Variants in NDUFS1 observed in about 807,000 individuals in gnomAD.
NDUFS1 encodes NADH:ubiquinone oxidoreductase core subunit S1, also known as NADH-ubiquinone oxidoreductase 75 kDa subunit, mitochondrial.
In NDUFS1, 61 loss-of-function variants were observed where a neutral mutation model predicts 84.4. The observed-to-expected ratio is 0.72, with a 90% confidence interval of 0.59 to 0.89. NDUFS1 has a LOEUF of 0.89. NDUFS1 is among the 40% of genes least tolerant of loss of function. The pLI is 0.00. For synonymous variants in NDUFS1, 275 were observed against 290.0 expected (o/e 0.95, Z 0.53); for missense variants, 891 against 890.0 (o/e 1.00, Z -0.01).
intron 13 of NDUFS1, 56 bp from the exon 14 acceptor site, chr2:206,133,161 C>A: frequency 7.0e-7 from 1 of 1,427,168 alleles, no homozygotes; most frequent in Non-Finnish European, 9.6e-7. Flanking sequence ...AGCTGAACAC[C>A]AAACCATATT....
At chr2:206,150,023 T>TA in intron 3 of NDUFS1, 98 bp from the exon 4 acceptor site, 1 of 691,184 alleles carries the variant, frequency 1.4e-6, no homozygotes, top group Non-Finnish European at 2.5e-6. Context: ...ATCTTATTAC[T>TA]TCTATCTATC....
intron 1 of NDUFS1, 145 bp from the exon 2 acceptor site, chr2:206,153,827 T>C (rs1424813422): frequency 1.3e-5 from 8 of 625,258 alleles, no homozygotes; most frequent in Non-Finnish European, 2.3e-5. Context: ...AGTCTGTAGA[T>C]GAGAATTCTC....
In NDUFS1 at chr2:206,122,781, G is replaced by A. The variant is rs188775006; in HGVS notation, c.*1404C>T. On this transcript the variant is annotated 3_prime_UTR_variant, in exon 19 of 19. Transcript: ENST00000233190. The stretch of plus-strand genomic sequence containing the variant: ...AACAAAGTCTTGCTCTGTTGCCCAG[G>A]CTGGAATGCAGTGGCGCAATCACGG... The A allele has an allele frequency of 7.8e-3, 1,188 of 152,270 alleles. 11 individuals carry two copies. Among genetic ancestry groups the A allele is most frequent in the East Asian group, 0.02 (105 of 5,172 alleles). 9.4% of individuals were successfully genotyped at this position (152,270 alleles called of 1,614,324 possible).
At chr2:206,137,081 C>G (rs1691746142) in intron 13 of NDUFS1, among the ~76,000 whole-genome samples, 1 of 152,112 alleles carries the variant, frequency 6.6e-6, no homozygotes, top group African/African-American at 2.4e-5. Flanking sequence ...TCACCTCCAC[C>G]ACCACACATA....
chr2:206,147,617 C>T lies in NDUFS1; in HGVS notation c.465G>A (p.Glu155=). The T allele has an allele frequency of 6.2e-7, 1 of 1,614,136 alleles. No homozygotes were observed. Among genetic ancestry groups the T allele is most frequent in the Non-Finnish European group, 8.5e-7 (1 of 1,180,002 alleles). The part of the protein sequence containing the change: ...MFGNDRSRFL[E]GKRAVEDKNI... ...TCTTGTCTTCCACAGCACGCTTCCCCTCTAAAAATCGGCTCCTATCATTTC... is the reference window on the plus strand; with the variant it reads ...TCTTGTCTTCCACAGCACGCTTCCCTTCTAAAAATCGGCTCCTATCATTTC... The change falls in exon 7 of 19, where the codon GAG becomes GAA. Residue 155 remains glutamate, a synonymous_variant. Coordinates refer to ENST00000233190, the MANE Select transcript of NDUFS1 (RefSeq NM_005006.7).
In NDUFS1 at chr2:206,118,192, T is replaced by C. The variant is rs934988144; in HGVS notation, c.*5993A>G. ...ACTTTAAGCAGAGGGTATTTGGTTT[T>C]GAGATCCTTGTTCTCTTAAAATCTG... is the stretch of plus-strand genomic sequence containing the variant. On this transcript the variant is annotated 3_prime_UTR_variant, in exon 19 of 19. Transcript: ENST00000233190. The C allele has an allele frequency of 6.6e-6, 1 of 152,268 alleles. No individual in the cohort carries two copies. The highest frequency in any genetic ancestry group is 1.5e-5 in the Non-Finnish European group (1 of 68,050). 9.4% of individuals were successfully genotyped at this position (152,268 alleles called of 1,614,324 possible).
intron 12 of NDUFS1, among the ~76,000 whole-genome samples, chr2:206,139,107 A>T (rs6742623): frequency 0.024 from 3,653 of 151,270 alleles, 147 homozygotes; most frequent in African/African-American, 0.084. Flanking sequence ...CAAGAGCAAA[A>T]CTCCACCTCA....
At chr2:206,133,847 T>A (rs1326835246) in intron 13 of NDUFS1, among the ~76,000 whole-genome samples, 2 of 152,170 alleles carry the variant, frequency 1.3e-5, no homozygotes, top group South Asian at 2.1e-4. Flanking sequence ...AGGTGCGGTG[T>A]TATGTACCTG....
intron 16 of NDUFS1, among the ~76,000 whole-genome samples, chr2:206,127,094 A>T (rs1177714146): frequency 6.6e-6 from 1 of 152,226 alleles, no homozygotes; most frequent in East Asian, 1.9e-4. Flanking sequence ...GCTAAATCCA[A>T]ATGTTTTTGC....
rs751799318 is a variant in NDUFS1 at position 206,146,937 on chromosome 2, G to C, written c.703C>G (p.Pro235Ala). The C allele has an allele frequency of 3.9e-5, 63 of 1,614,054 alleles. No homozygotes were observed. The highest frequency in any genetic ancestry group is 5.0e-5 in the Non-Finnish European group (59 of 1,179,978). ...CAAGGCCGGGCAGTAAAGGCATAGG[G>C]CTTAGAGGTTAGGGCACCTACAGGG... ...ICPVGALTSK[P>A]YAFTARPWET... The change falls in exon 8 of 19, where the codon CCC becomes GCC. Residue 235 changes from proline (P) to alanine (A), a missense_variant. Transcript: ENST00000233190.
intron 1 of NDUFS1, among the ~76,000 whole-genome samples, chr2:206,154,670 C>G (rs1363380816): frequency 3.3e-5 from 5 of 152,196 alleles, no homozygotes; most frequent in African/African-American, 1.2e-4. Context: ...ATCACCCAGA[C>G]TGGAGTGCAC....
Position 206,142,724 on chromosome 2 carries a change from G to T in NDUFS1, c.1095C>A (p.Thr365=), listed in dbSNP as rs1215257925. Residue 365 remains threonine, a synonymous_variant, in exon 11 of 19, where the codon ACC becomes ACA. Coordinates refer to ENST00000233190, the MANE Select transcript of NDUFS1 (RefSeq NM_005006.7). ...TGGGGAAGACCTCTTCAGTGCATAAGGTGTCAGAGTCCACTCTATTAAGCA... is the reference window on the plus strand; with the variant it reads ...TGGGGAAGACCTCTTCAGTGCATAATGTGTCAGAGTCCACTCTATTAAGCA... ...KDLLNRVDSD[T]LCTEEVFPTA... is the part of the protein sequence containing the mutation. 6.2e-7 allele frequency: 1 copy of T among 1,614,146 alleles called. No individual in the cohort carries two copies. The highest frequency in any genetic ancestry group is 8.5e-7 in the Non-Finnish European group (1 of 1,180,026).
intron 13 of NDUFS1, among the ~76,000 whole-genome samples, chr2:206,136,653 C>T (rs951486213): frequency 1.2e-4 from 18 of 151,886 alleles, no homozygotes; most frequent in Non-Finnish European, 1.9e-4. Flanking sequence ...AGGCTGGTCT[C>T]GAACTCCTGA....
At position 206,153,633 on chromosome 2, in the gene NDUFS1, A is replaced by C; in HGVS notation, c.46T>G (p.Ser16Ala). The change falls in exon 2 of 19, where the codon TCT (serine) becomes GCT (alanine). Residue 16 changes from serine to alanine, a missense_variant. Ser to Ala is a moderately conservative substitution (Grantham distance 99). Transcript: ENST00000233190. Reference sequence around the variant, plus strand: ...AAATACTCACCACATCCTTTAGGAGACTTAGAAAGGCCTACTAAGGCCTTT... The same window carrying C: ...AAATACTCACCACATCCTTTAGGAGCCTTAGAAAGGCCTACTAAGGCCTTT... ...VRKALVGLSK[S>A]PKGCVRTTAT... 1.3e-6 allele frequency: 2 copies of C among 1,547,560 alleles called. No homozygotes were observed. Among genetic ancestry groups the C allele is most frequent in the Non-Finnish European group, 1.8e-6 (2 of 1,120,470 alleles).
At chr2:206,131,201 C>T (rs1325739594) in intron 14 of NDUFS1, among the ~76,000 whole-genome samples, 1 of 151,966 alleles carries the variant, frequency 6.6e-6, no homozygotes, top group Non-Finnish European at 1.5e-5. Context: ...TCCTGTGTGC[C>T]CCAATAGTTC....
chr2:206,158,170 G>A (rs1687747415), intron 1 of NDUFS1, among the ~76,000 whole-genome samples: 1 of 151,980 alleles, frequency 6.6e-6, no homozygotes, highest in South Asian at 2.1e-4. Context: ...CACCGTGTTA[G>A]CCAGGATGGT....
At chr2:206,157,814 T>C (rs1687721111) in intron 1 of NDUFS1, among the ~76,000 whole-genome samples, 1 of 152,160 alleles carries the variant, frequency 6.6e-6, no homozygotes, top group South Asian at 2.1e-4. Flanking sequence ...TAATGACTAA[T>C]CATTTCTTAA....
Position 206,116,348 on chromosome 2 carries a change from T to A in NDUFS1, c.*7837A>T, listed in dbSNP as rs1278045449. On this transcript the variant is annotated 3_prime_UTR_variant, in exon 19 of 19. Transcript: ENST00000233190. ...CAAAGCACCAAACTCATCTTGTTTG[T>A]TCAATTTTGTCCCAACTTCAGGCAG... 2 of 869,214 alleles carry A rather than the reference T, an allele frequency of 2.3e-6. No homozygotes were observed. Among genetic ancestry groups the A allele is most frequent in the East Asian group, 2.4e-5 (1 of 41,374 alleles). The allele number at this position is 869,214 out of a possible 1,614,324, so 53.8% of individuals were successfully genotyped here. A position where few individuals can be genotyped will look rare whatever the true frequency, so the allele number is the denominator to read the frequency against.
intron 12 of NDUFS1, among the ~76,000 whole-genome samples, chr2:206,139,140 A>T (rs141585422): frequency 0.057 from 8,618 of 151,954 alleles, 324 homozygotes; most frequent in African/African-American, 0.1. Flanking sequence ...TAAAAAAAAA[A>T]AAAAGAAAGA....
Sources: gnomAD v4.1 joint callset for allele counts (sites outside exome capture counted in the v4.1 genomes callset) on GRCh38, gnomAD v4.1.1 for gene constraint, MANE v1.5 for transcripts, NCBI Gene and HGNC (gene_info 2026-07-23, HGNC 2026-07-21) for gene names.